Variants in SYNE1 observed in about 807,000 individuals in gnomAD.
The protein encoded by SYNE1 is spectrin repeat containing nuclear envelope protein 1.
In SYNE1, 616 loss-of-function variants were observed where a neutral mutation model predicts 1,111.0. The ratio of observed to expected loss-of-function variants is 0.55; its 90% CI spans 0.52 to 0.59. The LOEUF (loss-of-function observed/expected upper bound fraction) is 0.59. Ranked by LOEUF, SYNE1 falls within the 20% of genes least tolerant of loss-of-function variation. The probability of loss-of-function intolerance (pLI) is 0.00; values close to 1 mark genes in which losing one functional copy is unlikely to be tolerated. For synonymous variants in SYNE1, 3,855 were observed against 3,825.8 expected, an observed-to-expected ratio of 1.01 and a Z score of -0.28; for missense variants, 10,006 against 10,417.0, an observed-to-expected ratio of 0.96 and a Z score of 1.72.
At chr6:152,541,697 G>A (rs994960603) in intron 3 of SYNE1, among the ~76,000 whole-genome samples, 1 of 145,110 alleles carries the variant, frequency 6.9e-6, no homozygotes, top group Non-Finnish European at 1.5e-5. Flanking sequence ...GCAGTGAGCC[G>A]AGATCGTATC....
chr6:152,516,942 T>C (rs2099115180), intron 6 of SYNE1, among the ~76,000 whole-genome samples: 1 of 152,042 alleles, frequency 6.6e-6, no homozygotes, highest in African/African-American at 2.4e-5. Context: ...CAATGAAAAA[T>C]TAATGAAGGG....
At chr6:152,573,413 T>C (rs1029833828) in intron 3 of SYNE1, among the ~76,000 whole-genome samples, 1 of 145,456 alleles carries the variant, frequency 6.9e-6, no homozygotes, top group Non-Finnish European at 1.5e-5. Flanking sequence ...TTCCCACCTA[T>C]GAGTGAGAAC....
intron 3 of SYNE1, among the ~76,000 whole-genome samples, chr6:152,598,966 T>C (rs578115413): frequency 1.4e-3 from 217 of 152,350 alleles, no homozygotes; most frequent in African/African-American, 4.9e-3. Context: ...TTATTATCTT[T>C]CTTAATAGAT....
At chr6:152,422,735 C>T (rs1030273048) in intron 39 of SYNE1, among the ~76,000 whole-genome samples, 2 of 152,150 alleles carry the variant, frequency 1.3e-5, no homozygotes, top group Admixed American at 1.3e-4. Flanking sequence ...TTTTGAACTC[C>T]CAGCCTTGAG....
intron 98 of SYNE1, among the ~76,000 whole-genome samples, chr6:152,276,878 C>G (rs1459890962): frequency 9.8e-6 from 1 of 102,162 alleles, no homozygotes; most frequent in Non-Finnish European, 1.9e-5. Context: ...ACTCTGCACT[C>G]TTTTTTTTTT....
At chr6:152,573,327 C>A (rs2099477583) in intron 3 of SYNE1, among the ~76,000 whole-genome samples, 2 of 130,250 alleles carry the variant, frequency 1.5e-5, no homozygotes, top group Non-Finnish European at 3.3e-5. Flanking sequence ...TGCTATCCCC[C>A]CCCCTCCCCC....
At chr6:152,607,331 A>T (rs1270576525) in intron 3 of SYNE1, among the ~76,000 whole-genome samples, 1 of 152,034 alleles carries the variant, frequency 6.6e-6, no homozygotes, top group East Asian at 1.9e-4. Flanking sequence ...AAAATTTACT[A>T]GTTCATGTGA....
At chr6:152,215,396 TATTA>T (rs2078392898) in intron 121 of SYNE1, among the ~76,000 whole-genome samples, 1 of 152,150 alleles carries the variant, frequency 6.6e-6, no homozygotes, top group Non-Finnish European at 1.5e-5. Flanking sequence ...ACACGTATTA[TATTA>T]TTTACTTGAT....
At chr6:152,373,727 C>T (rs1015282115) in intron 58 of SYNE1, among the ~76,000 whole-genome samples, 10 of 151,948 alleles carry the variant, frequency 6.6e-5, no homozygotes, top group African/African-American at 1.5e-4. Flanking sequence ...AGGTGGTGAG[C>T]AATCTCATAA....
At chr6:152,206,116 A>G in intron 126 of SYNE1, 52 bp downstream of exon 126, 1 of 1,517,712 alleles carries the variant, frequency 6.6e-7, no homozygotes, top group Non-Finnish European at 9.1e-7. Flanking sequence ...GGGAGGAAGT[A>G]GTACAACGAC....
intron 53 of SYNE1, among the ~76,000 whole-genome samples, chr6:152,389,043 C>T (rs2097565617): frequency 6.6e-6 from 1 of 151,660 alleles, no homozygotes; most frequent in Non-Finnish European, 1.5e-5. Context: ...GAGTCACTGC[C>T]TATGCTCCAT....
intron 3 of SYNE1, among the ~76,000 whole-genome samples, chr6:152,607,924 A>G (rs925131177): frequency 3.3e-5 from 5 of 152,194 alleles, no homozygotes; most frequent in African/African-American, 7.2e-5. Context: ...TCAGCAAACT[A>G]ACACAGGAAC....
At chr6:152,485,083 T>A (rs1369762269) in intron 12 of SYNE1, 111 bp from the exon 13 acceptor site, 6 of 1,216,038 alleles carry the variant, frequency 4.9e-6, no homozygotes, top group Non-Finnish European at 5.8e-6. Context: ...ACTCAATATA[T>A]GTTGTTGATA....
chr6:152,200,993 G>A (rs985883324), intron 127 of SYNE1, among the ~76,000 whole-genome samples: 1 of 152,144 alleles, frequency 6.6e-6, no homozygotes, highest in Non-Finnish European at 1.5e-5. Context: ...GTGAGGCAGA[G>A]AATTTCTAAT....
chr6:152,502,650 C>A lies in SYNE1; in HGVS notation c.871G>T (p.Asp291Tyr). The stretch of plus-strand genomic sequence containing the variant: ...ATACCTACATCATCCTCTTGCCCAT[C>A]AGTGCTTGCATTGTGGATGTCAGGA... ...HYPDIHNAST[D>Y]GQEDDEILPG... Residue 291 changes from aspartate (D) to tyrosine (Y), a missense_variant, in exon 10 of 146, where the codon GAT (aspartate) becomes TAT (tyrosine). Transcript: ENST00000367255. 6.2e-7 allele frequency: 1 copy of A among 1,613,400 alleles called. No individual in the cohort carries two copies. Among genetic ancestry groups the A allele is most frequent in the Non-Finnish European group, 8.5e-7 (1 of 1,179,408 alleles).
chr6:152,346,611 C>A (rs1263999234), intron 73 of SYNE1, among the ~76,000 whole-genome samples: 1 of 152,070 alleles, frequency 6.6e-6, no homozygotes, highest in African/African-American at 2.4e-5. Context: ...GAGATCGAAA[C>A]CATCCTGGCT....
intron 118 of SYNE1, 114 bp from the exon 119 acceptor site, chr6:152,221,160 T>C (rs933619283): frequency 2.3e-5 from 28 of 1,208,484 alleles, no homozygotes; most frequent in Non-Finnish European, 3.0e-5. Flanking sequence ...TAATCATTTC[T>C]AGTTAACATA....
rs2097770639 is a variant in SYNE1, at chr6:152,398,673, T to C, written c.7296A>G (p.Ser2432=). The change falls in exon 49 of 146, where the codon TCA becomes TCG. Residue 2432 remains serine, a synonymous_variant. Coordinates refer to ENST00000367255, the MANE Select transcript of SYNE1 (RefSeq NM_182961.4). The stretch of plus-strand genomic sequence containing the variant: ...CTTTGCTGTCACCGGTGCGATCTGA[T>C]GATTCTTTTGCTGCTGCCTTTGCTC... ...FLGAKAAAKE[S]SDRTGDSKVL... The C allele has an allele frequency of 6.2e-7, 1 of 1,614,072 alleles. No homozygotes were observed.
chr6:152,536,323 A>G (rs1210085648), intron 4 of SYNE1, among the ~76,000 whole-genome samples: 1 of 142,220 alleles, frequency 7.0e-6, no homozygotes, highest in Admixed American at 7.4e-5. Flanking sequence ...GCGCCAATAT[A>G]TATAGTAATA....
Sources: allele counts gnomAD v4.1 joint callset (sites outside exome capture counted in the v4.1 genomes callset), GRCh38; gene constraint gnomAD v4.1.1; transcripts MANE v1.5; gene names NCBI Gene and HGNC (gene_info 2026-07-23, HGNC 2026-07-21).